Variants in HEMK2 observed in about 807,000 individuals in gnomAD.
HEMK2 encodes the protein HemK methyltransferase 2, ETF1 glutamine and histone H4 lysine, also known as methyltransferase HEMK2.
the HEMK2 span, among the ~76,000 whole-genome samples, chr21:28,809,456 C>T: frequency 6.6e-6 from 1 of 152,080 alleles, no homozygotes; most frequent in Non-Finnish European, 1.5e-5. Context: ...AAAGGTTGAG[C>T]TCTGAGAGGA....
At chr21:28,841,151 T>C in the HEMK2 span, among the ~76,000 whole-genome samples, 1 of 33,574 alleles carries the variant, frequency 3.0e-5, no homozygotes, top group East Asian at 2.5e-3. Flanking sequence ...TATATAATTA[T>C]AATTTATATA....
chr21:28,720,112 A>AGG, the HEMK2 span, among the ~76,000 whole-genome samples: 1 of 152,254 alleles, frequency 6.6e-6, no homozygotes, highest in Non-Finnish European at 1.5e-5. Context: ...TATATGTGTT[A>AGG]GGCAAGCTTC....
the HEMK2 span, among the ~76,000 whole-genome samples, chr21:28,704,998 T>C: frequency 5.3e-5 from 8 of 152,210 alleles, no homozygotes; most frequent in Admixed American, 5.2e-4. Context: ...CCCTCTTCAC[T>C]GCTGCTATCG....
At chr21:28,843,153 G>A in the HEMK2 span, among the ~76,000 whole-genome samples, 5 of 152,012 alleles carry the variant, frequency 3.3e-5, no homozygotes, top group African/African-American at 2.4e-5. Flanking sequence ...GTTTCAACAC[G>A]CGTTTTGTAA....
chr21:28,791,347 T>C, the HEMK2 span, among the ~76,000 whole-genome samples: 1 of 152,172 alleles, frequency 6.6e-6, no homozygotes, highest in Non-Finnish European at 1.5e-5. Flanking sequence ...GGATAAAAAT[T>C]CACCCTGTGT....
the HEMK2 span, among the ~76,000 whole-genome samples, chr21:28,780,920 T>C: frequency 2.6e-5 from 4 of 152,166 alleles, no homozygotes; most frequent in Admixed American, 6.5e-5. Context: ...ATCACTCATT[T>C]ATCACCATAG....
the HEMK2 span, among the ~76,000 whole-genome samples, chr21:28,710,133 T>G: frequency 7.3e-4 from 111 of 152,328 alleles, no homozygotes; most frequent in African/African-American, 2.6e-3. Context: ...ATAAGCTCCT[T>G]GGATAACCTC....
the HEMK2 span, among the ~76,000 whole-genome samples, chr21:28,653,010 T>G: frequency 6.6e-6 from 1 of 152,074 alleles, no homozygotes; most frequent in African/African-American, 2.4e-5. Context: ...ACCCCTCAAT[T>G]TGCATTAACC....
the HEMK2 span, among the ~76,000 whole-genome samples, chr21:28,611,906 C>A: frequency 3.6e-5 from 4 of 111,860 alleles, no homozygotes; most frequent in East Asian, 2.6e-4. Context: ...AGAGAGACAC[C>A]ATCTCAAAAA....
chr21:28,715,282 C>T, the HEMK2 span, among the ~76,000 whole-genome samples: 2 of 152,128 alleles, frequency 1.3e-5, no homozygotes, highest in Admixed American at 6.6e-5. Flanking sequence ...CTCTTGTCTC[C>T]GCAGCCTTGC....
At chr21:28,878,092 CATTA>C in the HEMK2 span, 3 of 1,046,162 alleles carry the variant, frequency 2.9e-6, no homozygotes, top group Non-Finnish European at 4.1e-6. Context: ...TTAAGTGATT[CATTA>C]ACATGCCAGG....
chr21:28,588,424 G>A, the HEMK2 span, among the ~76,000 whole-genome samples: 6 of 152,122 alleles, frequency 3.9e-5, no homozygotes, highest in Non-Finnish European at 7.4e-5. Flanking sequence ...ATTGATCCAG[G>A]ACAGCTAAGG....
At chr21:28,870,631 C>T in the HEMK2 span, among the ~76,000 whole-genome samples, 1 of 152,142 alleles carries the variant, frequency 6.6e-6, no homozygotes, top group African/African-American at 2.4e-5. Flanking sequence ...AAACTCCTGA[C>T]CTCAGGTGAT....
chr21:28,588,785 C>T, the HEMK2 span, among the ~76,000 whole-genome samples: 18 of 151,928 alleles, frequency 1.2e-4, no homozygotes, highest in Admixed American at 5.9e-4. Context: ...AGATCGAGAC[C>T]ATCCTGGCTA....
chr21:28,625,782 T>C, the HEMK2 span, among the ~76,000 whole-genome samples: 6 of 151,470 alleles, frequency 4.0e-5, no homozygotes, highest in African/African-American at 1.5e-4. Flanking sequence ...TTTGGCAAGG[T>C]AGGTAGATTA....
chr21:28,694,372 T>C, the HEMK2 span, among the ~76,000 whole-genome samples: 3 of 152,192 alleles, frequency 2.0e-5, no homozygotes, highest in South Asian at 6.2e-4. Flanking sequence ...CTAAGTACTA[T>C]GAGAAAAACA....
At chr21:28,603,259 C>T in the HEMK2 span, among the ~76,000 whole-genome samples, 2 of 152,186 alleles carry the variant, frequency 1.3e-5, no homozygotes, top group African/African-American at 4.8e-5. Flanking sequence ...GCCACTAATA[C>T]TAATCTCAAA....
chr21:28,787,287 C>G, the HEMK2 span, among the ~76,000 whole-genome samples: 2 of 152,186 alleles, frequency 1.3e-5, no homozygotes, highest in Admixed American at 1.3e-4. Flanking sequence ...AAAAACCCTT[C>G]TAGACATTGG....
the HEMK2 span, among the ~76,000 whole-genome samples, chr21:28,719,961 T>A: frequency 5.3e-5 from 8 of 152,238 alleles, no homozygotes; most frequent in Non-Finnish European, 1.2e-4. Flanking sequence ...ACATGCTGCC[T>A]TCTTGTTTCA....
Sources: gnomAD v4.1 joint callset for allele counts (sites outside exome capture counted in the v4.1 genomes callset) on GRCh38, gnomAD v4.1.1 for gene constraint, MANE v1.5 for transcripts, NCBI Gene and HGNC (gene_info 2026-07-23, HGNC 2026-07-21) for gene names.